REDIC1: variants seen among roughly 807,000 people sequenced by gnomAD.
REDIC1 encodes HEI10 Interacting Protein 1.
At chr12:39,774,070 C>G in the REDIC1 span, among the ~76,000 whole-genome samples, 3 of 152,104 alleles carry the variant, frequency 2.0e-5, no homozygotes, top group East Asian at 5.8e-4. Flanking sequence ...CCTAATAGTT[C>G]TTTGTTGATA....
the REDIC1 span, among the ~76,000 whole-genome samples, chr12:39,681,585 C>T: frequency 2.6e-5 from 4 of 152,220 alleles, no homozygotes; most frequent in Middle Eastern, 0.01. Flanking sequence ...TATATTAGTG[C>T]ATACTATATA....
chr12:39,640,226 T>C, the REDIC1 span, among the ~76,000 whole-genome samples: 1 of 151,734 alleles, frequency 6.6e-6, no homozygotes, highest in South Asian at 2.1e-4. Flanking sequence ...CATACCCTTG[T>C]GAAAGAGGCT....
At chr12:39,846,238 T>C in the REDIC1 span, among the ~76,000 whole-genome samples, 2 of 152,286 alleles carry the variant, frequency 1.3e-5, no homozygotes, top group East Asian at 1.9e-4. Flanking sequence ...AGGTATTTTA[T>C]AGGTATTATT....
chr12:39,851,091 G>C, the REDIC1 span, among the ~76,000 whole-genome samples: 2 of 151,908 alleles, frequency 1.3e-5, no homozygotes, highest in Non-Finnish European at 2.9e-5. Flanking sequence ...GTAGAGATGG[G>C]GTTTCACTAT....
At chr12:39,805,815 G>A in the REDIC1 span, among the ~76,000 whole-genome samples, 1 of 152,136 alleles carries the variant, frequency 6.6e-6, no homozygotes, top group African/African-American at 2.4e-5. Flanking sequence ...AATCTAGAAA[G>A]GGAGTTGCCC....
chr12:39,765,132 T>C, the REDIC1 span, among the ~76,000 whole-genome samples: 1 of 152,216 alleles, frequency 6.6e-6, no homozygotes, highest in African/African-American at 2.4e-5. Context: ...CCCTGGAAGC[T>C]GCAGTAACAC....
chr12:39,700,935 A>C, the REDIC1 span, among the ~76,000 whole-genome samples: 2 of 152,132 alleles, frequency 1.3e-5, no homozygotes, highest in African/African-American at 4.8e-5. Flanking sequence ...TCCTGAAGGA[A>C]GCACTAAACA....
chr12:39,660,432 C>G, the REDIC1 span, among the ~76,000 whole-genome samples: 1 of 152,284 alleles, frequency 6.6e-6, no homozygotes, highest in South Asian at 2.1e-4. Flanking sequence ...TGTTTTCTCT[C>G]TCTCAGGGAT....
At chr12:39,664,304 C>T in the REDIC1 span, among the ~76,000 whole-genome samples, 1 of 150,686 alleles carries the variant, frequency 6.6e-6, no homozygotes, top group Non-Finnish European at 1.5e-5. Flanking sequence ...CAATTCCCAC[C>T]TATGAGTGAG....
At chr12:39,855,650 ATAAT>A in the REDIC1 span, among the ~76,000 whole-genome samples, 3 of 152,212 alleles carry the variant, frequency 2.0e-5, no homozygotes, top group Non-Finnish European at 4.4e-5. Context: ...GTTTATTAAA[ATAAT>A]TAACTACAAA....
At chr12:39,679,567 G>T in the REDIC1 span, among the ~76,000 whole-genome samples, 1 of 152,064 alleles carries the variant, frequency 6.6e-6, no homozygotes, top group South Asian at 2.1e-4. Flanking sequence ...TGACCATACT[G>T]CCAAAAGCAA....
the REDIC1 span, among the ~76,000 whole-genome samples, chr12:39,799,635 G>T: frequency 6.6e-6 from 1 of 152,098 alleles, no homozygotes; most frequent in Non-Finnish European, 1.5e-5. Context: ...AAAAAGATTG[G>T]AAAAATCAAG....
the REDIC1 span, among the ~76,000 whole-genome samples, chr12:39,844,740 A>T: frequency 6.6e-6 from 1 of 152,058 alleles, no homozygotes; most frequent in Non-Finnish European, 1.5e-5. Context: ...ACTCAGTCTG[A>T]GCTTTTCATG....
At chr12:39,847,973 C>A in the REDIC1 span, among the ~76,000 whole-genome samples, 1 of 152,040 alleles carries the variant, frequency 6.6e-6, no homozygotes, top group Non-Finnish European at 1.5e-5. Context: ...GCTTTGTTTC[C>A]TTAACACCTG....
chr12:39,683,330 C>T, the REDIC1 span: 14 of 1,150,768 alleles, frequency 1.2e-5, no homozygotes, highest in African/African-American at 4.7e-5. Context: ...TTCCTCTGTA[C>T]GTGTCATGTG....
chr12:39,657,033 G>C, the REDIC1 span, among the ~76,000 whole-genome samples: 1 of 152,156 alleles, frequency 6.6e-6, no homozygotes, highest in Admixed American at 6.5e-5. Context: ...CGTAAGTGTA[G>C]AGTGTTTATA....
the REDIC1 span, among the ~76,000 whole-genome samples, chr12:39,783,707 TG>T: frequency 6.6e-6 from 1 of 152,208 alleles, no homozygotes; most frequent in South Asian, 2.1e-4. Context: ...GCCCACTTTT[TG>T]GGGGTTGTTT....
the REDIC1 span, among the ~76,000 whole-genome samples, chr12:39,711,864 T>C: frequency 3.1e-3 from 180 of 58,364 alleles, no homozygotes; most frequent in Non-Finnish European, 4.4e-3. Flanking sequence ...TGTATGTGTA[T>C]ACACGTATAC....
At chr12:39,812,835 CTTT>C in the REDIC1 span, among the ~76,000 whole-genome samples, 4 of 127,938 alleles carry the variant, frequency 3.1e-5, no homozygotes, top group African/African-American at 2.9e-5. Flanking sequence ...GTAGTATTAC[CTTT>C]TTTTTTTTTT....
Sources: gnomAD v4.1 joint callset for allele counts (sites outside exome capture counted in the v4.1 genomes callset) on GRCh38, gnomAD v4.1.1 for gene constraint, MANE v1.5 for transcripts, NCBI Gene and HGNC (gene_info 2026-07-23, HGNC 2026-07-21) for gene names.